The following ELMO1 variants were observed in gnomAD, a reference collection of about 807,000 sequenced individuals.
ELMO1 encodes engulfment and cell motility protein 1.
ELMO1 carries 26 observed loss-of-function variants against 98.9 expected under a neutral mutation model. The observed-to-expected ratio is 0.26, with a 90% CI of 0.19 to 0.36. The LOEUF is 0.36. Among genes scored for constraint, ELMO1 ranks in the 10% least tolerant of loss-of-function variants. The pLI, the probability that ELMO1 is intolerant of heterozygous loss-of-function variation, is 1.00. For synonymous variants in ELMO1, 346 were observed against 346.0 expected (o/e 1.00, Z 0.00); for missense variants, 627 against 935.2 (o/e 0.67, Z 4.30).
At chr7:37,022,286 C>G (rs1463811441) in intron 15 of ELMO1, among the ~76,000 whole-genome samples, 7 of 151,992 alleles carry the variant, frequency 4.6e-5, no homozygotes, top group African/African-American at 1.7e-4. Flanking sequence ...TCAAAATATA[C>G]AATAAAAATG....
intron 1 of ELMO1, among the ~76,000 whole-genome samples, chr7:37,389,942 A>G (rs539139688): frequency 4.6e-5 from 7 of 152,210 alleles, no homozygotes; most frequent in Non-Finnish European, 1.0e-4. Flanking sequence ...CATGTTGCCC[A>G]ACTTCCAAAA....
chr7:37,392,485 G>A (rs757420945), intron 1 of ELMO1, among the ~76,000 whole-genome samples: 5 of 152,238 alleles, frequency 3.3e-5, no homozygotes, highest in Admixed American at 2.0e-4. Context: ...GCATGAGCAC[G>A]TCAGTCAGAA....
At chr7:37,302,917 G>A (rs1798421396) in intron 4 of ELMO1, among the ~76,000 whole-genome samples, 4 of 152,156 alleles carry the variant, frequency 2.6e-5, no homozygotes, top group African/African-American at 7.2e-5. Flanking sequence ...ATGTTACTGA[G>A]TGTCACCTCC....
chr7:37,254,156 T>C (rs1361594350), intron 6 of ELMO1, among the ~76,000 whole-genome samples: 1 of 152,134 alleles, frequency 6.6e-6, no homozygotes, highest in African/African-American at 2.4e-5. Context: ...GCCTTGCAAC[T>C]CCAGTCCCTC....
chr7:37,066,875 G>A (rs1797008140), intron 15 of ELMO1, among the ~76,000 whole-genome samples: 1 of 152,118 alleles, frequency 6.6e-6, no homozygotes, highest in South Asian at 2.1e-4. Flanking sequence ...GAAACTGAGG[G>A]CACTATGTTT....
intron 13 of ELMO1, among the ~76,000 whole-genome samples, chr7:37,168,085 C>A (rs1228177486): frequency 6.6e-6 from 1 of 151,614 alleles, no homozygotes; most frequent in Non-Finnish European, 1.5e-5. Context: ...TCATTTCATT[C>A]ATTTCATCTT....
chr7:37,316,017 A>G, intron 2 of ELMO1, 57 bp from the exon 3 acceptor site: 1 of 1,327,200 alleles, frequency 7.5e-7, no homozygotes. Flanking sequence ...TTTTAAATTA[A>G]AAAAAAGAAG....
At chr7:37,082,352 C>T (rs1324445388) in intron 15 of ELMO1, among the ~76,000 whole-genome samples, 3 of 152,100 alleles carry the variant, frequency 2.0e-5, no homozygotes, top group Non-Finnish European at 2.9e-5. Context: ...TGTTTAACTC[C>T]TCTCAAAAGA....
At chr7:37,058,440 C>T (rs1323016045) in intron 15 of ELMO1, among the ~76,000 whole-genome samples, 1 of 152,164 alleles carries the variant, frequency 6.6e-6, no homozygotes, top group African/African-American at 2.4e-5. Flanking sequence ...TTGCTCTCTT[C>T]ACCTAACCTG....
intron 14 of ELMO1, among the ~76,000 whole-genome samples, chr7:37,127,302 G>A (rs577974213): frequency 1.9e-4 from 29 of 152,226 alleles, no homozygotes; most frequent in Middle Eastern, 6.8e-3. Context: ...TGAATATGAC[G>A]ACTTGTTTGA....
rs1485567399 is a variant in ELMO1 at position 36,855,972 on chromosome 7, T to G, written c.1984-221A>C. Among the ~76,000 whole-genome samples the G allele has an allele frequency of 6.6e-6, 1 of 152,192 alleles. No individual in the cohort carries two copies. The highest frequency in any genetic ancestry group is 2.4e-5 in the African/African-American group (1 of 41,432). ...ACTGAGGTACAGAGAAGTGACTCAG[T>G]ATTATGTAGACCGGGTGGGATTTGA... On this transcript the variant is annotated intron_variant, in intron 21 of 21. Transcript: ENST00000310758. This position sits in a 1 kb window ranked among gnomAD's most constrained non-coding sequence, Gnocchi z 4.2.
chr7:37,119,570 A>T (rs1482345344), intron 14 of ELMO1, among the ~76,000 whole-genome samples: 1 of 152,218 alleles, frequency 6.6e-6, no homozygotes, highest in African/African-American at 2.4e-5. Flanking sequence ...GTTTTAAAAT[A>T]GTGTAAACTA....
At chr7:37,302,614 A>G (rs1000884766) in intron 4 of ELMO1, among the ~76,000 whole-genome samples, 15 of 152,042 alleles carry the variant, frequency 9.9e-5, no homozygotes, top group African/African-American at 3.1e-4. Context: ...CTTCCAAATG[A>G]TTCTAGCCCC....
chr7:37,026,342 C>T (rs6964013), intron 15 of ELMO1, among the ~76,000 whole-genome samples: 16 of 151,954 alleles, frequency 1.1e-4, no homozygotes, highest in Admixed American at 5.2e-4. Flanking sequence ...GCATTAGCCA[C>T]GTCTAGGGAG....
At chr7:37,128,776 T>G (rs1033239211) in intron 14 of ELMO1, among the ~76,000 whole-genome samples, 1 of 152,122 alleles carries the variant, frequency 6.6e-6, no homozygotes, top group Non-Finnish European at 1.5e-5. Context: ...CTCATGTGAA[T>G]TACAAGAAAT....
Position 37,342,807 on chromosome 7 carries a change from A to G in ELMO1, c.-73-44T>C. On this transcript the variant is annotated intron_variant, in intron 1 of 21. Transcript: ENST00000310758. The surrounding 1 kb of genome is among the most constrained non-coding windows in gnomAD (Gnocchi z 4.3). ...AAAAGAAAGAGAAGTCACTCAGTGC[A>G]GATGCAGGGTGAATTTTGCTTCATC... 1.1e-6 allele frequency: 1 copy of G among 942,248 alleles called. No individual in the cohort carries two copies. The highest frequency in any genetic ancestry group is 1.6e-6 in the Non-Finnish European group (1 of 628,792). 58.4% of individuals were successfully genotyped at this position (942,248 alleles called of 1,614,324 possible).
intron 15 of ELMO1, among the ~76,000 whole-genome samples, chr7:37,065,050 C>T (rs1390731485): frequency 6.6e-6 from 1 of 152,070 alleles, no homozygotes; most frequent in Non-Finnish European, 1.5e-5. Context: ...CTCATCTTTA[C>T]AAAAACTCAC....
In ELMO1 at chr7:37,111,796, G is replaced by C. The variant is rs182088828; in HGVS notation, c.1192-15069C>G. Among the ~76,000 whole-genome samples, 19 of 152,336 alleles carry C rather than the reference G, an allele frequency of 1.2e-4. 1 individual carries two copies. The highest frequency in any genetic ancestry group is 4.6e-4 in the African/African-American group (19 of 41,582). The stretch of plus-strand genomic sequence containing the variant: ...TTTCTTTTTGTTCCTACCATATGCA[G>C]AGTAGAGCCCCAAGCTGCCAAGCTA... On this transcript the variant is annotated intron_variant, in intron 14 of 21. Transcript: ENST00000310758.
chr7:36,910,982 C>T (rs1413444913), intron 16 of ELMO1, among the ~76,000 whole-genome samples: 2 of 152,098 alleles, frequency 1.3e-5, no homozygotes, highest in African/African-American at 4.8e-5. Flanking sequence ...TGAGAAAATG[C>T]CTTCTAAACG....
Sources: gnomAD v4.1 joint callset for allele counts (sites outside exome capture counted in the v4.1 genomes callset) on GRCh38, gnomAD v4.1.1 for gene constraint, Gnocchi (gnomAD v3.1) non-coding constraint, MANE v1.5 for transcripts, NCBI Gene and HGNC (gene_info 2026-07-23, HGNC 2026-07-21) for gene names.